Variants in ADAMTS17 observed in about 807,000 individuals in gnomAD.
The protein encoded by ADAMTS17 is A disintegrin and metalloproteinase with thrombospondin motifs 17.
ADAMTS17 carries 113 observed loss-of-function variants against 141.5 expected under a neutral mutation model. The ratio of observed to expected loss-of-function variants is 0.80; its 90% CI spans 0.69 to 0.93. ADAMTS17 has a LOEUF of 0.93. ADAMTS17 is among the 40% of genes least tolerant of loss of function. The pLI is 0.00. For missense variants in ADAMTS17, 1,659 were observed against 1,517.9 expected, an observed-to-expected ratio of 1.09 and a Z score of -1.54; for synonymous variants, 768 against 630.6, an observed-to-expected ratio of 1.22 and a Z score of -3.27.
At chr15:100,113,511 A>C (rs939763868) in intron 13 of ADAMTS17, among the ~76,000 whole-genome samples, 5 of 152,162 alleles carry the variant, frequency 3.3e-5, no homozygotes, top group African/African-American at 1.2e-4. Context: ...TGAACACATA[A>C]AATGCTCTGA....
chr15:100,235,453 T>C (rs1189075300), intron 7 of ADAMTS17, among the ~76,000 whole-genome samples: 1 of 152,148 alleles, frequency 6.6e-6, no homozygotes, highest in Non-Finnish European at 1.5e-5. Flanking sequence ...GTGTCATCCA[T>C]GCCCTCCTGT....
At chr15:100,219,727 G>A (rs1404894203) in intron 7 of ADAMTS17, among the ~76,000 whole-genome samples, 1 of 152,176 alleles carries the variant, frequency 6.6e-6, no homozygotes, top group East Asian at 1.9e-4. Flanking sequence ...GAATAATTCT[G>A]ACTGTTCTGG....
intron 7 of ADAMTS17, among the ~76,000 whole-genome samples, chr15:100,203,725 A>G (rs1196935665): frequency 6.6e-6 from 1 of 151,856 alleles, no homozygotes; most frequent in Non-Finnish European, 1.5e-5. Context: ...AAACAAAACA[A>G]AAACAAAACA....
At chr15:100,067,309 A>G (rs1003222725) in intron 15 of ADAMTS17, among the ~76,000 whole-genome samples, 5 of 143,720 alleles carry the variant, frequency 3.5e-5, no homozygotes, top group East Asian at 4.2e-4. Context: ...ACACTTTTCC[A>G]CTGTCTTCCC....
At chr15:100,335,952 G>A (rs557363409) in intron 2 of ADAMTS17, among the ~76,000 whole-genome samples, 213 of 152,278 alleles carry the variant, frequency 1.4e-3, no homozygotes, top group African/African-American at 5.1e-3. Flanking sequence ...ACTCTGCATG[G>A]TTCCCTCAGA....
chr15:100,038,691 G>A (rs1477503791), intron 18 of ADAMTS17, among the ~76,000 whole-genome samples: 1 of 152,040 alleles, frequency 6.6e-6, no homozygotes, highest in African/African-American at 2.4e-5. Flanking sequence ...TCCAGACCTT[G>A]TTTATTAGTT....
chr15:100,260,113 G>A (rs989671300), intron 6 of ADAMTS17, among the ~76,000 whole-genome samples: 2 of 152,090 alleles, frequency 1.3e-5, no homozygotes, highest in African/African-American at 4.8e-5. Context: ...CCAAAGTGCT[G>A]GGATTACAGG....
intron 7 of ADAMTS17, among the ~76,000 whole-genome samples, chr15:100,214,823 A>G (rs1338756170): frequency 5.3e-5 from 8 of 152,358 alleles, no homozygotes; most frequent in Admixed American, 6.5e-5. Flanking sequence ...GACACGGCAC[A>G]CTTCCTGAGA....
chr15:100,147,553 G>A (rs182985049), intron 10 of ADAMTS17, among the ~76,000 whole-genome samples: 2 of 152,122 alleles, frequency 1.3e-5, no homozygotes, highest in African/African-American at 4.8e-5. Context: ...TCTAAACATC[G>A]AAAAGGTATA....
chr15:100,071,609 C>T (rs979304654), intron 15 of ADAMTS17, among the ~76,000 whole-genome samples: 2 of 150,218 alleles, frequency 1.3e-5, no homozygotes, highest in African/African-American at 4.9e-5. Flanking sequence ...TCAACATATG[C>T]AAATCAATAA....
chr15:100,157,885 ATTC>A (rs1158273398), intron 8 of ADAMTS17, among the ~76,000 whole-genome samples: 3 of 137,538 alleles, frequency 2.2e-5, no homozygotes, highest in Non-Finnish European at 3.2e-5. Context: ...GTTTAGCTAT[ATTC>A]TTTTTTTTTT....
At chr15:100,308,687 G>C (rs767373287) in intron 3 of ADAMTS17, among the ~76,000 whole-genome samples, 4 of 152,082 alleles carry the variant, frequency 2.6e-5, no homozygotes, top group African/African-American at 9.7e-5. Flanking sequence ...ACAGAATCCC[G>C]GGCTTAGCCA....
At chr15:100,177,442 G>A (rs75918706) in intron 8 of ADAMTS17, among the ~76,000 whole-genome samples, 8 of 152,086 alleles carry the variant, frequency 5.3e-5, no homozygotes, top group East Asian at 3.9e-4. Context: ...TCAAGTGTTC[G>A]GAGATTTTCC....
At chr15:100,005,661 A>G (rs1221622839) in intron 18 of ADAMTS17, among the ~76,000 whole-genome samples, 1 of 152,228 alleles carries the variant, frequency 6.6e-6, no homozygotes, top group Non-Finnish European at 1.5e-5. Flanking sequence ...CCCGATAATC[A>G]GTTGGCCTTA....
intron 7 of ADAMTS17, among the ~76,000 whole-genome samples, chr15:100,236,786 TATGACTGCAC>T (rs2042670097): frequency 6.6e-6 from 1 of 152,098 alleles, no homozygotes; most frequent in Non-Finnish European, 1.5e-5. Flanking sequence ...TGCAGTGAGC[TATGACTGCAC>T]CACTGCACTC....
In ADAMTS17 at chr15:100,284,413, A is replaced by T. The variant is rs541541710; in HGVS notation, c.617-3012T>A. Among the ~76,000 whole-genome samples the T allele has an allele frequency of 5.3e-4, 81 of 152,350 alleles. 1 individual carries two copies. The highest frequency in any genetic ancestry group is 1.9e-3 in the African/African-American group (77 of 41,574). Reference sequence around the variant, plus strand: ...CACCCAAGGAATGCATGCAGTGGGTAAAGGGATGAATAATGACACTTGCTC... The same window carrying T: ...CACCCAAGGAATGCATGCAGTGGGTTAAGGGATGAATAATGACACTTGCTC... On this transcript the variant is annotated intron_variant, in intron 3 of 21. Coordinates refer to ENST00000268070, the MANE Select transcript of ADAMTS17 (RefSeq NM_139057.4).
At chr15:100,169,958 G>C in intron 8 of ADAMTS17, among the ~76,000 whole-genome samples, 1 of 152,160 alleles carries the variant, frequency 6.6e-6, no homozygotes. Flanking sequence ...GCGGGGTTCA[G>C]GGTTGGTTCC....
At chr15:100,202,979 A>T (rs894998496) in intron 7 of ADAMTS17, among the ~76,000 whole-genome samples, 2 of 138,606 alleles carry the variant, frequency 1.4e-5, no homozygotes, top group Non-Finnish European at 2.9e-5. Flanking sequence ...GAACTTATTT[A>T]AAAATTTTTA....
At chr15:100,165,650 G>T (rs74037523) in intron 8 of ADAMTS17, among the ~76,000 whole-genome samples, 3,195 of 152,268 alleles carry the variant, frequency 0.021, 132 homozygotes, top group East Asian at 0.17. Flanking sequence ...GTTAGTTTCT[G>T]ACCTGAGAAA....
Sources: gnomAD v4.1 joint callset for allele counts (sites outside exome capture counted in the v4.1 genomes callset) on GRCh38, gnomAD v4.1.1 for gene constraint, MANE v1.5 for transcripts, NCBI Gene and HGNC (gene_info 2026-07-23, HGNC 2026-07-21) for gene names.